HYDIN: variants seen among roughly 807,000 people sequenced by gnomAD.
HYDIN encodes HYDIN axonemal central pair apparatus protein, also known as axonemal central pair apparatus protein HYDIN.
Under a neutral mutation model 403.9 loss-of-function variants are expected in HYDIN, and 132 were observed. The ratio of observed to expected loss-of-function variants is 0.33; its 90% CI spans 0.28 to 0.38. The LOEUF is 0.38. Among genes scored for constraint, HYDIN ranks in the 10% least tolerant of loss-of-function variants. HYDIN has a pLI of 1.00. For synonymous variants in HYDIN, 1,202 were observed against 1,891.7 expected (o/e 0.64, Z 9.46); for missense variants, 2,827 against 5,009.5 (o/e 0.56, Z 13.15).
chr16:70,931,699 G>A (rs114914179), intron 45 of HYDIN, among the ~76,000 whole-genome samples: 495 of 152,298 alleles, frequency 3.3e-3, no homozygotes, highest in African/African-American at 0.012. Flanking sequence ...GCTATTAGAT[G>A]GAAGGAAATC....
chr16:70,834,950 GTATATATATACACACATATA>G (rs2037292630), intron 78 of HYDIN, among the ~76,000 whole-genome samples: 3 of 130,928 alleles, frequency 2.3e-5, no homozygotes, highest in African/African-American at 9.9e-5. Flanking sequence ...ACACATATAT[GTATATATATACACACATATA>G]TGTGTGTATA....
At chr16:71,013,207 G>T (rs2080146914) in intron 23 of HYDIN, among the ~76,000 whole-genome samples, 3 of 151,378 alleles carry the variant, frequency 2.0e-5, no homozygotes, top group Admixed American at 6.6e-5. Flanking sequence ...CTGGCCTAAG[G>T]ATGGATCTTG....
intron 18 of HYDIN, among the ~76,000 whole-genome samples, chr16:71,059,244 T>C (rs1415821658): frequency 6.6e-6 from 1 of 152,106 alleles, no homozygotes; most frequent in Non-Finnish European, 1.5e-5. Flanking sequence ...GAATGGTATT[T>C]TCTAGGTTAT....
At position 70,896,166 on chromosome 16, in the gene HYDIN, G is replaced by C. The variant is rs143963122; in HGVS notation, c.9049-86C>G. ...ACATGTAATATCCTAACGGGGATACGGCAGGGAACGTTTTGAAGTGTATTC... is the reference window on the plus strand; with the variant it reads ...ACATGTAATATCCTAACGGGGATACCGCAGGGAACGTTTTGAAGTGTATTC... On this transcript the variant is annotated intron_variant, in intron 53 of 85. Coordinates refer to ENST00000393567, the MANE Select transcript of HYDIN (RefSeq NM_001270974.2). 1.0e-5 allele frequency: 16 copies of C among 1,527,744 alleles called. No homozygotes were observed. In the African/African-American group the frequency reaches 2.2e-4, roughly 21 times the overall value. The allele number at this position is 1,527,744 out of a possible 1,614,324, so 94.6% of individuals were successfully genotyped here.
At chr16:71,056,093 C>A (rs111879550) in intron 18 of HYDIN, among the ~76,000 whole-genome samples, 4,382 of 151,178 alleles carry the variant, frequency 0.029, 188 homozygotes, top group African/African-American at 0.1. Flanking sequence ...GCCAACAGGG[C>A]CTTTCCATTC....
Position 70,991,353 on chromosome 16 carries a change from G to T in HYDIN, c.3829C>A (p.Leu1277Ile). ...DEDARPEEKE[L>I]RKTKASSVIS... ...ACACTGGAAGCTTTCGTTTTTCTTA[G>T]TTCTTTTTCTTCAGGCCTGGCATCT... Residue 1277 changes from leucine to isoleucine, a missense_variant, in exon 25 of 86, where the codon CTA (leucine) becomes ATA (isoleucine). Physicochemically the swap from Leu to Ile is conservative, Grantham distance 5. Transcript: ENST00000393567. 1.9e-6 allele frequency: 3 copies of T among 1,614,058 alleles called. No homozygotes were observed. Among genetic ancestry groups the T allele is most frequent in the Non-Finnish European group, 2.5e-6 (3 of 1,179,974 alleles).
chr16:70,946,589 G>T lies in HYDIN; in HGVS notation c.6532-2640C>A, dbSNP rs572897289. On this transcript the variant is annotated intron_variant, in intron 41 of 85. Transcript: ENST00000393567. Reference sequence around the variant, plus strand: ...GTTGCAAGGGGGTGCTATGGTGGCAGACCATGGCATCCAGACTGGATAGGG... The same window carrying T: ...GTTGCAAGGGGGTGCTATGGTGGCATACCATGGCATCCAGACTGGATAGGG... Among the ~76,000 whole-genome samples, 822 of 152,220 alleles carry T rather than the reference G, an allele frequency of 5.4e-3. 5 individuals are homozygous for T. The highest frequency in any genetic ancestry group is 0.018 in the African/African-American group (764 of 41,530).
chr16:70,833,226 G>A (rs2037138380), intron 79 of HYDIN, among the ~76,000 whole-genome samples, 159 bp from the exon 80 acceptor site: 1 of 147,410 alleles, frequency 6.8e-6, no homozygotes, highest in Non-Finnish European at 1.5e-5. Context: ...CAGAGCAGAA[G>A]CACTGGGGAA....
chr16:71,019,806 G>T (rs2080411713), intron 22 of HYDIN, among the ~76,000 whole-genome samples: 1 of 152,314 alleles, frequency 6.6e-6, no homozygotes, highest in African/African-American at 2.4e-5. Flanking sequence ...TTACAAAAAT[G>T]GAATTAGACT....
intron 45 of HYDIN, among the ~76,000 whole-genome samples, chr16:70,923,647 CAAA>C (rs57860871): frequency 5.4e-3 from 373 of 69,276 alleles, no homozygotes; most frequent in African/African-American, 0.02. Context: ...CTAAAAAATA[CAAA>C]AAAAAAAAAA....
intron 1 of HYDIN, among the ~76,000 whole-genome samples, chr16:71,217,966 G>A (rs2088978898): frequency 6.6e-6 from 1 of 152,086 alleles, no homozygotes; most frequent in African/African-American, 2.4e-5. Context: ...TAGGGATGAG[G>A]GGATCAGTCA....
intron 36 of HYDIN, among the ~76,000 whole-genome samples, chr16:70,965,139 G>A (rs1220746386): frequency 6.6e-6 from 1 of 151,854 alleles, no homozygotes. Context: ...CATTTCACCT[G>A]TGGAAATATG....
intron 45 of HYDIN, among the ~76,000 whole-genome samples, chr16:70,925,111 T>C (rs1224723405): frequency 6.6e-6 from 1 of 152,076 alleles, no homozygotes; most frequent in Admixed American, 6.5e-5. Context: ...ACTGCCAGCA[T>C]CAAACAGTGA....
chr16:70,945,699 G>A (rs1240387672), intron 41 of HYDIN, among the ~76,000 whole-genome samples: 1 of 152,168 alleles, frequency 6.6e-6, no homozygotes, highest in Non-Finnish European at 1.5e-5. Flanking sequence ...GGAGGAGTGT[G>A]GTGTCTGAAA....
intron 28 of HYDIN, among the ~76,000 whole-genome samples, chr16:70,982,608 TAC>T (rs574102182): frequency 7.3e-6 from 1 of 136,512 alleles, no homozygotes; most frequent in Admixed American, 7.6e-5. Flanking sequence ...GATGGTAGCA[TAC>T]AGAGTGTTTT....
intron 19 of HYDIN, among the ~76,000 whole-genome samples, chr16:71,030,181 G>A (rs2144152703): frequency 6.6e-6 from 1 of 152,042 alleles, no homozygotes; most frequent in East Asian, 1.9e-4. Context: ...CTCCCAAGTA[G>A]GTAGGACAAC....
At chr16:71,023,017 G>A (rs551832159) in intron 21 of HYDIN, among the ~76,000 whole-genome samples, 5 of 151,922 alleles carry the variant, frequency 3.3e-5, no homozygotes, top group Non-Finnish European at 5.9e-5. Context: ...CATATATTAC[G>A]TCTTGCCCAG....
Position 71,059,949 on chromosome 16 carries a change from T to G in HYDIN, c.2529+555A>C, listed in dbSNP as rs372271354. On this transcript the variant is annotated intron_variant, in intron 18 of 85. Coordinates refer to ENST00000393567, the MANE Select transcript of HYDIN (RefSeq NM_001270974.2). Reference sequence around the variant, plus strand: ...TCTTTGCTGTTCACTTTAATTTCTGTTTTTGGTGAATACTCTCCTGTATTT... The same window carrying G: ...TCTTTGCTGTTCACTTTAATTTCTGGTTTTGGTGAATACTCTCCTGTATTT... 2.6e-3 allele frequency among the ~76,000 whole-genome samples: 398 copies of G among 152,170 alleles called. 4 individuals are homozygous for G. Among genetic ancestry groups the G allele is most frequent in the African/African-American group, 8.9e-3 (370 of 41,504 alleles).
chr16:71,153,593 A>G (rs2085631592), intron 6 of HYDIN, among the ~76,000 whole-genome samples: 1 of 151,780 alleles, frequency 6.6e-6, no homozygotes, highest in Non-Finnish European at 1.5e-5. Context: ...ATCCCCTCCC[A>G]TCTCATTGTC....
Sources: gnomAD v4.1 joint callset for allele counts (sites outside exome capture counted in the v4.1 genomes callset) on GRCh38, gnomAD v4.1.1 for gene constraint, MANE v1.5 for transcripts, NCBI Gene and HGNC (gene_info 2026-07-23, HGNC 2026-07-21) for gene names.